The following DIAPH3 variants were observed in gnomAD, a reference collection of about 807,000 sequenced individuals.
DIAPH3 encodes protein diaphanous homolog 3.
A neutral mutation model predicts 144.3 loss-of-function variants in DIAPH3; 117 were observed. The ratio of observed to expected loss-of-function variants is 0.81; its 90% CI spans 0.70 to 0.95. The LOEUF (loss-of-function observed/expected upper bound fraction) is 0.95. Ranked by LOEUF, DIAPH3 falls within the 40% of genes least tolerant of loss-of-function variation. The pLI, the probability that DIAPH3 is intolerant of heterozygous loss-of-function variation, is 0.00. For synonymous variants in DIAPH3, 519 were observed against 488.9 expected, an observed-to-expected ratio of 1.06 and a Z score of -0.81; for missense variants, 1,421 against 1,412.7, an observed-to-expected ratio of 1.01 and a Z score of -0.09.
intron 4 of DIAPH3, among the ~76,000 whole-genome samples, chr13:60,056,453 T>C (rs1225798734): frequency 1.3e-5 from 2 of 151,850 alleles, no homozygotes; most frequent in South Asian, 2.1e-4. Context: ...CATATACACA[T>C]ATCACATACA....
chr13:60,111,937 T>C (rs2058580034), intron 3 of DIAPH3, 73 bp downstream of exon 3: 1 of 1,512,040 alleles, frequency 6.6e-7, no homozygotes, highest in African/African-American at 1.4e-5. Context: ...CCAAAAATGC[T>C]TAGAGTTCCA....
chr13:59,917,052 T>A (rs183471582), intron 18 of DIAPH3, among the ~76,000 whole-genome samples: 2 of 152,320 alleles, frequency 1.3e-5, no homozygotes, highest in Admixed American at 6.5e-5. Flanking sequence ...AGATGTCACT[T>A]CTTAACCATA....
At chr13:59,886,498 A>G (rs983825566) in intron 20 of DIAPH3, among the ~76,000 whole-genome samples, 2 of 152,146 alleles carry the variant, frequency 1.3e-5, no homozygotes, top group Non-Finnish European at 2.9e-5. Context: ...TTTCTATAAT[A>G]AAACCTGCTG....
chr13:60,104,987 T>A (rs2058369544), intron 3 of DIAPH3, among the ~76,000 whole-genome samples: 1 of 150,732 alleles, frequency 6.6e-6, no homozygotes. Flanking sequence ...TCCCAGCTAC[T>A]CGGGAGGCTG....
chr13:59,806,102 A>C lies in DIAPH3; in HGVS notation c.3163+4686T>G, dbSNP rs2040178000. ...AGGAAGCTCCCTGTGGGTTTATGGCAGAGTTATGTGAAGATTTCTCTCTTC... is the reference window on the plus strand; with the variant it reads ...AGGAAGCTCCCTGTGGGTTTATGGCCGAGTTATGTGAAGATTTCTCTCTTC... On this transcript the variant is annotated intron_variant, in intron 25 of 27. Transcript: ENST00000400324. 2.0e-5 allele frequency among the ~76,000 whole-genome samples: 3 copies of C among 152,040 alleles called. No individual in the cohort carries two copies. In the South Asian group the frequency reaches 6.2e-4, roughly 32 times the overall value.
intron 17 of DIAPH3, among the ~76,000 whole-genome samples, chr13:59,958,413 T>A (rs2049533719): frequency 6.6e-6 from 1 of 152,112 alleles, no homozygotes. Context: ...TAAGGAAACT[T>A]AGTTTATCAA....
chr13:59,901,343 A>G (rs2046419196), intron 20 of DIAPH3, among the ~76,000 whole-genome samples: 1 of 152,158 alleles, frequency 6.6e-6, no homozygotes, highest in African/African-American at 2.4e-5. Flanking sequence ...CACATAGCCA[A>G]ACTCACTTAT....
intron 22 of DIAPH3, among the ~76,000 whole-genome samples, chr13:59,842,124 T>C (rs1371559335): frequency 2.0e-5 from 3 of 152,172 alleles, no homozygotes; most frequent in Non-Finnish European, 4.4e-5. Flanking sequence ...AAGCAATCCA[T>C]ATTCCCTGCC....
chr13:59,853,611 T>C (rs999517454), intron 22 of DIAPH3, among the ~76,000 whole-genome samples: 2 of 152,174 alleles, frequency 1.3e-5, no homozygotes, highest in Admixed American at 1.3e-4. Flanking sequence ...TCTTCCTGTA[T>C]AGCCTGTGTA....
At chr13:60,045,898 C>A (rs2056036397) in intron 4 of DIAPH3, among the ~76,000 whole-genome samples, 2 of 152,232 alleles carry the variant, frequency 1.3e-5, no homozygotes, top group South Asian at 2.1e-4. Context: ...AGATAAAAAA[C>A]AAAAACCACC....
intron 25 of DIAPH3, among the ~76,000 whole-genome samples, chr13:59,809,113 A>C (rs1191552948): frequency 6.6e-6 from 1 of 152,136 alleles, no homozygotes; most frequent in Non-Finnish European, 1.5e-5. Flanking sequence ...TTACTGAGAC[A>C]CTCTGTGTGA....
At chr13:59,799,681 A>T (rs1170304701) in intron 25 of DIAPH3, among the ~76,000 whole-genome samples, 1 of 152,222 alleles carries the variant, frequency 6.6e-6, no homozygotes, top group Admixed American at 6.5e-5. Flanking sequence ...TTTGTCCCAC[A>T]AATGTGAATT....
intron 24 of DIAPH3, among the ~76,000 whole-genome samples, chr13:59,818,563 A>G (rs2040902463): frequency 6.6e-6 from 1 of 151,580 alleles, no homozygotes; most frequent in Non-Finnish European, 1.5e-5. Context: ...GGCTTTGTAT[A>G]AGTTGTATTT....
At chr13:59,703,930 G>A (rs2034266160) in intron 27 of DIAPH3, among the ~76,000 whole-genome samples, 1 of 152,184 alleles carries the variant, frequency 6.6e-6, no homozygotes, top group Admixed American at 6.5e-5. Flanking sequence ...AAAGGTAAAT[G>A]TCTTACTAAT....
At chr13:60,150,006 G>A (rs1481852585) in intron 1 of DIAPH3, among the ~76,000 whole-genome samples, 1 of 152,022 alleles carries the variant, frequency 6.6e-6, no homozygotes, top group Non-Finnish European at 1.5e-5. Flanking sequence ...TTTTTAAGAA[G>A]TACAGATGTT....
chr13:59,672,329 T>C (rs1338014372), intron 27 of DIAPH3, among the ~76,000 whole-genome samples: 1 of 152,190 alleles, frequency 6.6e-6, no homozygotes, highest in Admixed American at 6.5e-5. Flanking sequence ...AAAATTGAGC[T>C]CCTGTCTTTT....
intron 4 of DIAPH3, among the ~76,000 whole-genome samples, chr13:60,063,446 T>C (rs2056844822): frequency 6.6e-6 from 1 of 152,172 alleles, no homozygotes; most frequent in African/African-American, 2.4e-5. Context: ...CCTCCCCCCA[T>C]GAATCACAAA....
intron 21 of DIAPH3, among the ~76,000 whole-genome samples, chr13:59,877,941 G>A (rs1162125404): frequency 2.0e-5 from 3 of 151,978 alleles, no homozygotes; most frequent in Non-Finnish European, 4.4e-5. Flanking sequence ...ATTTCTCTCT[G>A]AATATCTAAC....
chr13:59,686,921 G>C (rs2033247989), intron 27 of DIAPH3, among the ~76,000 whole-genome samples: 1 of 152,034 alleles, frequency 6.6e-6, no homozygotes, highest in South Asian at 2.1e-4. Flanking sequence ...GACAAGTCAT[G>C]GTATATAAAA....
Sources: gnomAD v4.1 joint callset for allele counts (sites outside exome capture counted in the v4.1 genomes callset) on GRCh38, gnomAD v4.1.1 for gene constraint, MANE v1.5 for transcripts, NCBI Gene and HGNC (gene_info 2026-07-23, HGNC 2026-07-21) for gene names.